Variants in LRP1B observed in about 807,000 individuals in gnomAD.
LRP1B encodes the protein LDL receptor related protein 1B.
In LRP1B, 217 loss-of-function variants were observed where a neutral mutation model predicts 556.6. The ratio of observed to expected loss-of-function variants is 0.39; its 90% confidence interval spans 0.35 to 0.44. The LOEUF (loss-of-function observed/expected upper bound fraction) is 0.44. Ranked by LOEUF, LRP1B falls within the 20% of genes least tolerant of loss-of-function variation. The pLI, the probability that LRP1B is intolerant of heterozygous loss-of-function variation, is 1.00. For synonymous variants in LRP1B, 2,047 were observed against 1,865.8 expected (o/e 1.10, Z -2.50); for missense variants, 5,053 against 5,620.8 (o/e 0.90, Z 3.23).
chr2:141,568,504 T>C (rs911522351), intron 2 of LRP1B, among the ~76,000 whole-genome samples: 3 of 151,068 alleles, frequency 2.0e-5, no homozygotes, highest in East Asian at 1.9e-4. Context: ...ACTCTGATAG[T>C]ATATCCATCA....
chr2:141,268,531 C>T (rs947472790), intron 3 of LRP1B, among the ~76,000 whole-genome samples: 2 of 151,984 alleles, frequency 1.3e-5, no homozygotes, highest in African/African-American at 2.4e-5. Flanking sequence ...TCAATGAAAT[C>T]GTGCAACATG....
rs535028499 is a variant in LRP1B, at chr2:142,054,118, G to A, written c.82+76530C>T. ...AGGGCAAATATGTCTTTTAACACGG[G>A]AGAAAACATTGAAATCTAAGTCATT... On this transcript the variant is annotated intron_variant, in intron 1 of 90. Transcript: ENST00000389484. Among the ~76,000 whole-genome samples, 173 of 152,098 alleles carry A rather than the reference G, an allele frequency of 1.1e-3. 4 individuals are homozygous for A. Among genetic ancestry groups the A allele is most frequent in the Middle Eastern group, 3.4e-3 (1 of 294 alleles).
intron 60 of LRP1B, among the ~76,000 whole-genome samples, chr2:140,472,713 A>G (rs1275317392): frequency 1.3e-5 from 2 of 152,124 alleles, no homozygotes; most frequent in Non-Finnish European, 2.9e-5. Context: ...CTTCATTTAT[A>G]AAATTACTCT....
In LRP1B at chr2:141,254,622, T is replaced by C. The variant is rs754103039; in HGVS notation, c.363A>G (p.Gln121=). The change falls in exon 4 of 91, where the codon CAA becomes CAG. Residue 121 remains glutamine (Q), a synonymous_variant. Coordinates refer to ENST00000389484, the MANE Select transcript of LRP1B (RefSeq NM_018557.3). The part of the protein sequence containing the change: ...VHCQELLSNC[Q]QLNCQYKCTM... ...TACATTTATACTGACAATTCAGCTGTTGGCAATTGGATAACAGTTCTGTAG... is the reference window on the plus strand; with the variant it reads ...TACATTTATACTGACAATTCAGCTGCTGGCAATTGGATAACAGTTCTGTAG... 3 of 1,609,918 alleles carry C rather than the reference T, an allele frequency of 1.9e-6. No individual in the cohort carries two copies. Among genetic ancestry groups the C allele is most frequent in the Non-Finnish European group, 2.5e-6 (3 of 1,177,036 alleles).
chr2:141,486,806 T>C (rs5001568), intron 2 of LRP1B, among the ~76,000 whole-genome samples: 148,169 of 152,102 alleles, frequency 0.97, 72,283 homozygotes, highest in East Asian at 1. Flanking sequence ...TTTTGCCTAC[T>C]GAAAAAATTT....
At chr2:141,842,207 G>A (rs761345026) in intron 1 of LRP1B, among the ~76,000 whole-genome samples, 3 of 151,900 alleles carry the variant, frequency 2.0e-5, no homozygotes, top group Non-Finnish European at 2.9e-5. Context: ...TCTAGAAATT[G>A]CTTATGATAG....
Position 141,754,156 on chromosome 2 carries a change from A to C in LRP1B, c.205+56123T>G, listed in dbSNP as rs1290761385. ...AAATAAGAAACTTAATTCATAAGGC[A>C]TATCCCTAGAGTCTTCCTGAGAATC... On this transcript the variant is annotated intron_variant, in intron 2 of 90. Transcript: ENST00000389484. 2.0e-5 allele frequency among the ~76,000 whole-genome samples: 3 copies of C among 152,126 alleles called. No homozygotes were observed. The East Asian group carries it at 5.8e-4, about 29-fold the overall frequency.
At chr2:140,603,006 T>C (rs1162612178) in intron 41 of LRP1B, among the ~76,000 whole-genome samples, 1 of 152,054 alleles carries the variant, frequency 6.6e-6, no homozygotes, top group African/African-American at 2.4e-5. Flanking sequence ...CAAAAGCCTA[T>C]GTTCTTAGTA....
intron 2 of LRP1B, among the ~76,000 whole-genome samples, chr2:141,775,595 CA>C (rs1695038366): frequency 6.6e-6 from 1 of 152,074 alleles, no homozygotes; most frequent in Non-Finnish European, 1.5e-5. Context: ...AATATAGGTG[CA>C]CTTGAGGGTT....
chr2:140,635,889 A>G (rs932102503), intron 41 of LRP1B, among the ~76,000 whole-genome samples: 2 of 152,114 alleles, frequency 1.3e-5, no homozygotes, highest in African/African-American at 4.8e-5. Context: ...AACACCATCA[A>G]TCAGGCAAAT....
intron 78 of LRP1B, 129 bp downstream of exon 78, chr2:140,335,486 C>T (rs1175867265): frequency 3.1e-6 from 2 of 653,692 alleles, no homozygotes; most frequent in African/African-American, 1.8e-5. Flanking sequence ...AGAAATAGTA[C>T]AAGGATATTT....
intron 3 of LRP1B, among the ~76,000 whole-genome samples, chr2:141,463,294 G>A (rs1681985539): frequency 6.6e-6 from 1 of 151,820 alleles, no homozygotes; most frequent in African/African-American, 2.4e-5. Flanking sequence ...GCAAAGAATT[G>A]TTGTAATTTT....
At chr2:140,414,210 A>G (rs1685083361) in intron 66 of LRP1B, among the ~76,000 whole-genome samples, 2 of 151,984 alleles carry the variant, frequency 1.3e-5, no homozygotes, top group Admixed American at 6.6e-5. Flanking sequence ...ACCACCACAC[A>G]GGGCCCATCT....
At chr2:140,862,313 G>A (rs978671869) in intron 27 of LRP1B, among the ~76,000 whole-genome samples, 3 of 152,024 alleles carry the variant, frequency 2.0e-5, no homozygotes, top group Non-Finnish European at 4.4e-5. Flanking sequence ...CATAAAACTT[G>A]TATGAAATTC....
chr2:141,658,597 C>T (rs1690100600), intron 2 of LRP1B, among the ~76,000 whole-genome samples: 1 of 152,186 alleles, frequency 6.6e-6, no homozygotes, highest in Non-Finnish European at 1.5e-5. Flanking sequence ...AGCTATACAA[C>T]TCCCGCTGCA....
chr2:141,070,416 T>C (rs1699605659), intron 7 of LRP1B, among the ~76,000 whole-genome samples: 1 of 151,172 alleles, frequency 6.6e-6, no homozygotes, highest in African/African-American at 2.4e-5. Flanking sequence ...AGATCCAAAA[T>C]TGACACCCTA....
chr2:141,313,570 C>G (rs1485452048), intron 3 of LRP1B, among the ~76,000 whole-genome samples: 1 of 152,092 alleles, frequency 6.6e-6, no homozygotes, highest in Admixed American at 6.5e-5. Flanking sequence ...CTTTTTTTCC[C>G]TCTCTTTTAC....
At chr2:141,766,462 G>T (rs527764496) in intron 2 of LRP1B, among the ~76,000 whole-genome samples, 1 of 152,276 alleles carries the variant, frequency 6.6e-6, no homozygotes, top group East Asian at 1.9e-4. Context: ...AAAGTCATTT[G>T]AAGTGGTTAG....
chr2:141,239,899 C>A (rs1683800155), intron 5 of LRP1B, among the ~76,000 whole-genome samples: 1 of 151,932 alleles, frequency 6.6e-6, no homozygotes, highest in Non-Finnish European at 1.5e-5. Context: ...AGTAAGATCA[C>A]AAATTTCTAC....
Sources: allele counts gnomAD v4.1 joint callset (sites outside exome capture counted in the v4.1 genomes callset), GRCh38; gene constraint gnomAD v4.1.1; transcripts MANE v1.5; gene names NCBI Gene and HGNC (gene_info 2026-07-23, HGNC 2026-07-21).